The following TOX2 variants were observed in gnomAD, a reference collection of about 807,000 sequenced individuals.
TOX2 encodes the protein TOX high mobility group box family member 2.
TOX2 carries 15 observed loss-of-function variants against 47.4 expected under a neutral mutation model. That is an observed-to-expected ratio of 0.32 (90% CI 0.21 to 0.49). TOX2 has a LOEUF of 0.49. Ranked by LOEUF, TOX2 falls within the 20% of genes least tolerant of loss-of-function variation. The pLI is 0.99. For missense variants in TOX2, 622 were observed against 673.1 expected, an observed-to-expected ratio of 0.92 and a Z score of 0.84; for synonymous variants, 290 against 296.6, an observed-to-expected ratio of 0.98 and a Z score of 0.23.
At chr20:43,990,632 G>A (rs1386892162) in intron 2 of TOX2, among the ~76,000 whole-genome samples, 1 of 152,172 alleles carries the variant, frequency 6.6e-6, no homozygotes, top group Non-Finnish European at 1.5e-5. Context: ...AGTTCACTGT[G>A]GCTAGTATCA....
intron 3 of TOX2, among the ~76,000 whole-genome samples, chr20:44,026,332 G>A (rs1038084250): frequency 1.3e-5 from 2 of 148,300 alleles, no homozygotes; most frequent in Non-Finnish European, 3.0e-5. Flanking sequence ...GGTGTGATTG[G>A]AGACTATTAT....
At chr20:44,042,781 T>G (rs1383704691) in intron 3 of TOX2, among the ~76,000 whole-genome samples, 1 of 152,204 alleles carries the variant, frequency 6.6e-6, no homozygotes, top group African/African-American at 2.4e-5. Flanking sequence ...AACAAGCCAA[T>G]GAAGAATTTT....
chr20:43,919,372 G>A (rs2069089684), intron 1 of TOX2, among the ~76,000 whole-genome samples: 1 of 152,194 alleles, frequency 6.6e-6, no homozygotes, highest in Non-Finnish European at 1.5e-5. Context: ...GGAGAAAAAT[G>A]GAACAGGAAA....
chr20:44,053,058 ATCT>A (rs2071544798), intron 4 of TOX2, among the ~76,000 whole-genome samples: 1 of 152,150 alleles, frequency 6.6e-6, no homozygotes, highest in Non-Finnish European at 1.5e-5. Context: ...TGTCACCTCC[ATCT>A]TCTTGGCTCC....
At chr20:43,935,414 C>T (rs1419886339) in intron 1 of TOX2, among the ~76,000 whole-genome samples, 2 of 152,142 alleles carry the variant, frequency 1.3e-5, no homozygotes, top group African/African-American at 2.4e-5. Flanking sequence ...ATAAGATGGT[C>T]GAATGAAAGG....
At chr20:44,030,009 T>C (rs1359838796) in intron 3 of TOX2, among the ~76,000 whole-genome samples, 1 of 152,098 alleles carries the variant, frequency 6.6e-6, no homozygotes, top group Non-Finnish European at 1.5e-5. Context: ...TTTATAGGAC[T>C]CTCCCGATGC....
chr20:44,008,589 GAACCATCAA>G (rs2070726957), intron 3 of TOX2, among the ~76,000 whole-genome samples: 1 of 151,820 alleles, frequency 6.6e-6, no homozygotes, highest in Admixed American at 6.6e-5. Context: ...TGGCTGATCT[GAACCATCAA>G]AATCTATAGA....
At chr20:43,929,835 G>A (rs749069923) in intron 1 of TOX2, among the ~76,000 whole-genome samples, 5 of 151,984 alleles carry the variant, frequency 3.3e-5, no homozygotes, top group East Asian at 1.9e-4. Context: ...TCAGCCTCCC[G>A]AGTAGCTGGG....
chr20:43,978,008 T>C (rs548970835), intron 2 of TOX2, among the ~76,000 whole-genome samples: 3 of 152,268 alleles, frequency 2.0e-5, no homozygotes, highest in East Asian at 3.9e-4. Context: ...ATGCAAGTGA[T>C]AGCAGCTTCC....
intron 1 of TOX2, chr20:43,945,595 G>A (rs1031610757): frequency 1.5e-4 from 46 of 314,258 alleles, no homozygotes; most frequent in African/African-American, 8.1e-4. Context: ...CCCCTCCCAA[G>A]GCAGCGTGTG....
At chr20:43,986,114 G>A (rs150093085) in intron 2 of TOX2, among the ~76,000 whole-genome samples, 9 of 152,286 alleles carry the variant, frequency 5.9e-5, no homozygotes, top group Non-Finnish European at 1.3e-4. Flanking sequence ...CTCAAGGGTG[G>A]GAAGTTTGTG....
At chr20:44,060,078 G>A (rs923041863) in intron 5 of TOX2, among the ~76,000 whole-genome samples, 5 of 152,074 alleles carry the variant, frequency 3.3e-5, no homozygotes, top group African/African-American at 2.4e-5. Flanking sequence ...CCATGCAAAT[G>A]GATACCAAAA....
chr20:44,017,445 C>A (rs1244018222), intron 3 of TOX2, among the ~76,000 whole-genome samples: 2 of 152,172 alleles, frequency 1.3e-5, no homozygotes, highest in African/African-American at 4.8e-5. Flanking sequence ...ACCTCTGTGC[C>A]AGGCGAGAGC....
At chr20:43,954,806 C>G (rs949082470) in intron 1 of TOX2, among the ~76,000 whole-genome samples, 3 of 152,188 alleles carry the variant, frequency 2.0e-5, no homozygotes, top group African/African-American at 7.2e-5. Flanking sequence ...TGGGGAGAGA[C>G]GTCAGACCTG....
At chr20:43,963,443 C>T (rs2069796307) in intron 1 of TOX2, among the ~76,000 whole-genome samples, 1 of 152,190 alleles carries the variant, frequency 6.6e-6, no homozygotes, top group Admixed American at 6.5e-5. Flanking sequence ...GGTCCCAGGC[C>T]TATAGTCATG....
At chr20:44,043,159 G>A (rs755214460) in intron 3 of TOX2, among the ~76,000 whole-genome samples, 1 of 152,104 alleles carries the variant, frequency 6.6e-6, no homozygotes, top group African/African-American at 2.4e-5. Context: ...GGGATGAGGG[G>A]ATGAGGCTGA....
At chr20:43,921,226 A>T (rs962521664) in intron 1 of TOX2, among the ~76,000 whole-genome samples, 3 of 152,190 alleles carry the variant, frequency 2.0e-5, no homozygotes, top group African/African-American at 7.2e-5. Flanking sequence ...TGCATGAAGG[A>T]CAAGGTCCTG....
At chr20:44,049,757 C>T (rs1024828001) in intron 3 of TOX2, among the ~76,000 whole-genome samples, 1 of 152,142 alleles carries the variant, frequency 6.6e-6, no homozygotes, top group Non-Finnish European at 1.5e-5. Context: ...GTTTTCTGTT[C>T]CTGCATTAGT....
intron 4 of TOX2, among the ~76,000 whole-genome samples, chr20:44,053,421 AG>A (rs1419716287): frequency 6.7e-6 from 1 of 148,264 alleles, no homozygotes; most frequent in Non-Finnish European, 1.5e-5. Context: ...TGTGCTCACA[AG>A]TGGGAGGGCA....
Sources: allele counts gnomAD v4.1 joint callset (sites outside exome capture counted in the v4.1 genomes callset), GRCh38; gene constraint gnomAD v4.1.1; transcripts MANE v1.5; gene names NCBI Gene and HGNC (gene_info 2026-07-23, HGNC 2026-07-21).